The following RNF19A variants were observed in gnomAD, a reference collection of about 807,000 sequenced individuals.
The protein encoded by RNF19A is ring finger protein 19A, RBR E3 ubiquitin protein ligase.
Under a neutral mutation model 75.7 loss-of-function variants are expected in RNF19A, and 32 were observed. The observed-to-expected ratio is 0.42, with a 90% confidence interval of 0.32 to 0.57. RNF19A has a LOEUF of 0.57. RNF19A is among the 20% of genes least tolerant of loss of function. The probability of loss-of-function intolerance (pLI) is 0.10; values close to 1 mark genes in which losing one functional copy is unlikely to be tolerated. For synonymous variants in RNF19A, 335 were observed against 345.2 expected (o/e 0.97, Z 0.33); for missense variants, 782 against 1,036.3 (o/e 0.75, Z 3.37).
Position 100,275,819 on chromosome 8 carries a change from AG to A in RNF19A, c.675-659del, listed in dbSNP as rs567478994. Among the ~76,000 whole-genome samples, 30 of 152,278 alleles carry A rather than the reference AG, an allele frequency of 2.0e-4. No individual in the cohort carries two copies. In the South Asian group the frequency reaches 5.8e-3, roughly 29 times the overall value. ...GCCTGTTTAAAAATGTAGTGACTAT[AG>A]GTTAGTTTTAACTGTCAGGTAATGG... is the stretch of plus-strand genomic sequence containing the variant. On this transcript the variant is annotated intron_variant, in intron 2 of 9. Coordinates refer to ENST00000341084, the MANE Select transcript of RNF19A (RefSeq NM_183419.4). This position sits in a 1 kb window ranked among gnomAD's most constrained non-coding sequence, Gnocchi z 4.3.
intron 1 of RNF19A, among the ~76,000 whole-genome samples, chr8:100,302,996 G>A (rs188233766): frequency 6.6e-6 from 1 of 152,290 alleles, no homozygotes; most frequent in Admixed American, 6.5e-5. Context: ...GAATTCTAAC[G>A]AAAGAGCTGT....
chr8:100,329,626 A>G lies in RNF19A; in HGVS notation c.-243+6482T>C, dbSNP rs762762948. ...CATGCAAACTAGCATGAATCCAAAG[A>G]CAGACAACTAGGTTAAGAGAAGTCT... On this transcript the variant is annotated intron_variant, in intron 1 of 3. Transcript: ENST00000519527. The surrounding 1 kb of genome is among the most constrained non-coding windows in gnomAD (Gnocchi z 4.3). 6.6e-6 allele frequency among the ~76,000 whole-genome samples: 1 copy of G among 152,208 alleles called. No individual in the cohort carries two copies. Among genetic ancestry groups the G allele is most frequent in the African/African-American group, 2.4e-5 (1 of 41,462 alleles).
intron 3 of RNF19A, among the ~76,000 whole-genome samples, chr8:100,273,207 T>G (rs1820344323): frequency 6.6e-6 from 1 of 152,140 alleles, no homozygotes; most frequent in South Asian, 2.1e-4. Flanking sequence ...CAAATGAAGT[T>G]TTTTTTTAAA....
At chr8:100,288,379 T>A (rs1821132597) in intron 1 of RNF19A, 112 bp from the exon 2 acceptor site, 3 of 685,468 alleles carry the variant, frequency 4.4e-6, no homozygotes, top group Admixed American at 4.0e-5. Context: ...TAGTAGTAGT[T>A]GTTTTTTTTA....
rs1822479941 is a variant in RNF19A at position 100,322,739 on chromosome 8, T to C, written c.-242-9367A>G. On this transcript the variant is annotated intron_variant, in intron 1 of 3. Coordinates refer to the RNF19A transcript ENST00000519527. This position sits in a 1 kb window ranked among gnomAD's most constrained non-coding sequence, Gnocchi z 5.1. The stretch of plus-strand genomic sequence containing the variant: ...CTTTCACCTGAACACTTAGATGTCA[T>C]TGTAGGGTTACTAACTGGCCTAATT... 6.6e-6 allele frequency among the ~76,000 whole-genome samples: 1 copy of C among 152,212 alleles called. No homozygotes were observed. Among genetic ancestry groups the C allele is most frequent in the South Asian group, 2.1e-4 (1 of 4,836 alleles).
At chr8:100,306,184 G>C (rs1822054147) in intron 1 of RNF19A, among the ~76,000 whole-genome samples, 1 of 152,062 alleles carries the variant, frequency 6.6e-6, no homozygotes, top group Non-Finnish European at 1.5e-5. Flanking sequence ...TAATTTCATG[G>C]GGCCAACTCC....
chr8:100,296,537 G>A (rs916146034), intron 1 of RNF19A, among the ~76,000 whole-genome samples: 3 of 152,164 alleles, frequency 2.0e-5, no homozygotes, highest in Admixed American at 1.3e-4. Context: ...CTAATGCATG[G>A]ACTGGCTTCA....
In RNF19A at chr8:100,258,895, A is replaced by C; in HGVS notation, c.2178T>G (p.Ser726Arg). 1 of 1,614,220 alleles carries C rather than the reference A, an allele frequency of 6.2e-7. No homozygotes were observed. The highest frequency in any genetic ancestry group is 8.5e-7 in the Non-Finnish European group (1 of 1,180,028). Residue 726 changes from serine to arginine, a missense_variant, in exon 10 of 10, where the codon AGT becomes AGG. By Grantham distance (110) the Ser-to-Arg change is moderately radical. Transcript: ENST00000341084. The surrounding 1 kb of genome is among the most constrained non-coding windows in gnomAD (Gnocchi z 4.3). ...CAGAACAACTAAATTCAGAAAAATG[A>C]CTAGAGTGAGAATCTGCTACAGAAG... ...SMPSVADSHSSHFSEFSCSDL... is the reference protein window; with the variant it reads ...SMPSVADSHSRHFSEFSCSDL...
intron 2 of RNF19A, among the ~76,000 whole-genome samples, chr8:100,283,086 G>C (rs1165777141): frequency 6.6e-6 from 1 of 152,204 alleles, no homozygotes; most frequent in Non-Finnish European, 1.5e-5. Flanking sequence ...GAGGATCCTT[G>C]GGAGGCTCAG....
chr8:100,326,165 C>T (rs921887749), intron 1 of RNF19A, among the ~76,000 whole-genome samples: 60 of 152,082 alleles, frequency 3.9e-4, no homozygotes, highest in Non-Finnish European at 6.9e-4. Context: ...CACATGCATA[C>T]GAAACTCTCT....
intron 3 of RNF19A, among the ~76,000 whole-genome samples, chr8:100,270,219 T>C (rs1820189090): frequency 6.6e-6 from 1 of 152,120 alleles, no homozygotes. Flanking sequence ...GTTATAAACA[T>C]TTTTAAAACA....
At chr8:100,328,705 C>T (rs186661408) in intron 1 of RNF19A, among the ~76,000 whole-genome samples, 1 of 152,076 alleles carries the variant, frequency 6.6e-6, no homozygotes, top group African/African-American at 2.4e-5. Context: ...CTCCTGACCT[C>T]GTGATTCACC....
At chr8:100,297,444 C>T (rs1317394093) in intron 1 of RNF19A, among the ~76,000 whole-genome samples, 1 of 152,160 alleles carries the variant, frequency 6.6e-6, no homozygotes, top group African/African-American at 2.4e-5. Context: ...CTTCATTTTC[C>T]TTCTGAGCAC....
Position 100,330,957 on chromosome 8 carries a change from C to T in RNF19A, c.-243+5151G>A, listed in dbSNP as rs964582128. Among the ~76,000 whole-genome samples, 1 of 152,222 alleles carries T rather than the reference C, an allele frequency of 6.6e-6. No homozygotes were observed. Among genetic ancestry groups the T allele is most frequent in the South Asian group, 2.1e-4 (1 of 4,834 alleles). ...TTTCTGAAATCTGACTCCCTTGTAACATTTTTGCAGGGAATCTTCTTTTCA... is the reference window on the plus strand; with the variant it reads ...TTTCTGAAATCTGACTCCCTTGTAATATTTTTGCAGGGAATCTTCTTTTCA... On this transcript the variant is annotated intron_variant, in intron 1 of 3. Transcript: ENST00000519527. This position sits in a 1 kb window ranked among gnomAD's most constrained non-coding sequence, Gnocchi z 4.1.
At chr8:100,318,148 A>C (rs1182925132) in intron 1 of RNF19A, among the ~76,000 whole-genome samples, 28 of 152,154 alleles carry the variant, frequency 1.8e-4, no homozygotes, top group Admixed American at 1.8e-3. Flanking sequence ...CAATATCTAG[A>C]AAATATTTTT....
Position 100,288,040 on chromosome 8 carries a change from C to G in RNF19A, c.135G>C (p.Gln45His), listed in dbSNP as rs780673010. Residue 45 changes from glutamine to histidine, a missense_variant, in exon 2 of 10, where the codon CAG becomes CAC. Physicochemically the swap from Gln to His is conservative, Grantham distance 24. This residue lies in a region of RNF19A where 148 missense variants were observed against 147.9 expected (regional missense o/e 1.00). Coordinates refer to ENST00000341084, the MANE Select transcript of RNF19A (RefSeq NM_183419.4). Reference protein sequence around the residue: ...HRQMGSDRDLQSSASSVSLPS... With the variant: ...HRQMGSDRDLHSSASSVSLPS... ...GCAAGCTCACAGATGAAGCAGAGGACTGAAGATCTCGATCTGAACCCATTT... is the reference window on the plus strand; with the variant it reads ...GCAAGCTCACAGATGAAGCAGAGGAGTGAAGATCTCGATCTGAACCCATTT... 6.2e-6 allele frequency: 10 copies of G among 1,614,036 alleles called. No homozygotes were observed. The highest frequency in any genetic ancestry group is 1.7e-6 in the Non-Finnish European group (2 of 1,180,042).
intron 5 of RNF19A, among the ~76,000 whole-genome samples, chr8:100,265,472 CAT>C: frequency 6.6e-6 from 1 of 150,438 alleles, no homozygotes; most frequent in African/African-American, 2.5e-5. Flanking sequence ...TTGATATCAT[CAT>C]AGAAGCGGTG....
rs370604708 is a variant in RNF19A at position 100,287,586 on chromosome 8, A to C, written c.589T>G (p.Leu197Val). The part of the protein sequence containing the change: ...DIRLILSDDV[L>V]MEKYEEFMLR... The stretch of plus-strand genomic sequence containing the variant: ...ATAAATTCTTCGTATTTTTCCATCA[A>C]GACATCATCACTTAATATCAAGCGA... The change falls in exon 2 of 10, where the codon TTG becomes GTG. Residue 197 changes from leucine to valine, a missense_variant. Around this residue, in one of 7 missense-constraint regions of RNF19A, gnomAD observed 85 missense variants for 177.7 expected, o/e 0.48. Coordinates refer to ENST00000341084, the MANE Select transcript of RNF19A (RefSeq NM_183419.4). This position sits in a 1 kb window ranked among gnomAD's most constrained non-coding sequence, Gnocchi z 4.1. The C allele has an allele frequency of 6.2e-7, 1 of 1,614,158 alleles. No homozygotes were observed.
In RNF19A at chr8:100,323,098, CAAAAACAA is replaced by C. The variant is rs1002681717; in HGVS notation, c.-242-9734_-242-9727del. On this transcript the variant is annotated intron_variant, in intron 1 of 3. Transcript: ENST00000519527. The surrounding 1 kb of genome is among the most constrained non-coding windows in gnomAD (Gnocchi z 4.6). The stretch of plus-strand genomic sequence containing the variant: ...TTGCCACAAACCTTCCATTTGTAAA[CAAAAACAA>C]AAAAACAAAAAAAACTGTGAAGTGC... Among the ~76,000 whole-genome samples the C allele has an allele frequency of 6.6e-6, 1 of 150,902 alleles. No individual in the cohort carries two copies.
Sources: allele counts gnomAD v4.1 joint callset (sites outside exome capture counted in the v4.1 genomes callset), GRCh38; gene constraint gnomAD v4.1.1; regional missense constraint gnomAD v4.1.1; non-coding constraint Gnocchi (gnomAD v3.1); transcripts MANE v1.5; gene names NCBI Gene and HGNC (gene_info 2026-07-23, HGNC 2026-07-21).